The following MIA2 variants were observed in gnomAD, a reference collection of about 807,000 sequenced individuals.
MIA2 encodes MIA SH3 domain ER export factor 2, also known as melanoma inhibitory activity protein 2.
Under a neutral mutation model 167.8 loss-of-function variants are expected in MIA2, and 127 were observed. That is an observed-to-expected ratio of 0.76 (90% confidence interval 0.66 to 0.88). MIA2 has a LOEUF of 0.88. Among genes scored for constraint, MIA2 ranks in the 40% least tolerant of loss-of-function variants. The probability of loss-of-function intolerance (pLI) is 0.00; values close to 1 mark genes in which losing one functional copy is unlikely to be tolerated. For missense variants in MIA2, 1,690 were observed against 1,624.7 expected, an observed-to-expected ratio of 1.04 and a Z score of -0.69; for synonymous variants, 552 against 541.9, an observed-to-expected ratio of 1.02 and a Z score of -0.26.
At chr14:39,299,730 A>C (rs1252558367) in intron 13 of MIA2, 134 bp from the exon 14 acceptor site, 1 of 781,022 alleles carries the variant, frequency 1.3e-6, no homozygotes, top group Non-Finnish European at 1.9e-6. Context: ...GTTATTTTAC[A>C]CTACCCCATT....
intron 14 of MIA2, among the ~76,000 whole-genome samples, chr14:39,301,537 A>G (rs1312229251): frequency 4.6e-5 from 7 of 152,218 alleles, no homozygotes; most frequent in South Asian, 4.1e-4. Flanking sequence ...TGAAAATTGT[A>G]GATCAGTGCA....
intron 25 of MIA2, among the ~76,000 whole-genome samples, chr14:39,335,671 A>C (rs973026982): frequency 6.6e-5 from 10 of 152,140 alleles, no homozygotes. Context: ...GGTATATTGC[A>C]TGATACTGAA....
In MIA2 at chr14:39,330,133, C is replaced by T. The variant is rs562951350; in HGVS notation, c.3655+3111C>T. Among the ~76,000 whole-genome samples the T allele has an allele frequency of 5.9e-5, 9 of 152,256 alleles. No individual in the cohort carries two copies. In the South Asian group the frequency reaches 6.2e-4, roughly 11 times the overall value. The stretch of plus-strand genomic sequence containing the variant: ...TTGGTTGGTAGGCTATTAATTACTA[C>T]GTCAATTTCAGAACTTGTTACTGAT... On this transcript the variant is annotated intron_variant, in intron 25 of 28. Transcript: ENST00000640607.
In MIA2 at chr14:39,280,811, G is replaced by A. The variant is rs534884381; in HGVS notation, c.2130+1274G>A. On this transcript the variant is annotated intron_variant, in intron 9 of 28. Coordinates refer to ENST00000640607, the MANE Select transcript of MIA2 (RefSeq NM_001329214.4). The stretch of plus-strand genomic sequence containing the variant: ...TTTTTCTTGGTTTTGGCTCTCAGCA[G>A]TGTTACTATGATTTGTCTAGGTGTG... 2.6e-5 allele frequency among the ~76,000 whole-genome samples: 4 copies of A among 151,774 alleles called. No homozygotes were observed. In the East Asian group the frequency reaches 7.7e-4, roughly 29 times the overall value.
At chr14:39,267,541 A>C (rs2056105696) in intron 6 of MIA2, 1 of 1,611,982 alleles carries the variant, frequency 6.2e-7, no homozygotes, top group Non-Finnish European at 8.5e-7. Flanking sequence ...AGGCGCGATG[A>C]GTGTTACGTG....
At chr14:39,345,023 C>A (rs1189140351) in intron 25 of MIA2, among the ~76,000 whole-genome samples, 1 of 152,072 alleles carries the variant, frequency 6.6e-6, no homozygotes, top group Non-Finnish European at 1.5e-5. Context: ...CAGTGGTACT[C>A]ATCTGTTGAG....
In MIA2 at chr14:39,299,999, A is replaced by G. The variant is rs1240050410; in HGVS notation, c.2619+13A>G. 6.3e-7 allele frequency: 1 copy of G among 1,583,838 alleles called. No individual in the cohort carries two copies. Among genetic ancestry groups the G allele is most frequent in the Admixed American group, 1.9e-5 (1 of 53,268 alleles). ...AAGTCACATCAAGGTAAATGGCTCT[A>G]CTGGTTTTAGTGATCAAGTTGGCTA... On this transcript the variant is annotated intron_variant, in intron 14 of 28. Transcript: ENST00000640607.
intron 23 of MIA2, among the ~76,000 whole-genome samples, chr14:39,363,422 C>T (rs1250948129): frequency 1.3e-5 from 2 of 152,070 alleles, no homozygotes; most frequent in Admixed American, 6.6e-5. Context: ...CCCAGCTACT[C>T]GGAGGCTGAG....
chr14:39,370,533 G>A, intron 23 of MIA2: 1 of 344,578 alleles, frequency 2.9e-6, no homozygotes, highest in Non-Finnish European at 5.9e-6. Flanking sequence ...CATGGAGACT[G>A]CGCAGTTGTA....
chr14:39,289,641 G>C (rs902058600), intron 9 of MIA2, among the ~76,000 whole-genome samples: 2 of 152,138 alleles, frequency 1.3e-5, no homozygotes, highest in African/African-American at 4.8e-5. Flanking sequence ...GTCTAGAACT[G>C]ATCTTTTAAA....
chr14:39,290,666 C>T (rs1163235387), intron 9 of MIA2, among the ~76,000 whole-genome samples: 1 of 152,134 alleles, frequency 6.6e-6, no homozygotes, highest in African/African-American at 2.4e-5. Context: ...AAAATACGCT[C>T]TTTGAGTAAA....
At chr14:39,362,749 G>T (rs529559128) in intron 23 of MIA2, among the ~76,000 whole-genome samples, 1 of 151,696 alleles carries the variant, frequency 6.6e-6, no homozygotes, top group East Asian at 1.9e-4. Flanking sequence ...TTGCTTTTCT[G>T]TTTCCTTGAG....
rs1405224159 is a variant in MIA2 at position 39,346,135 on chromosome 14, C to T, written c.3778+109C>T. 1.4e-5 allele frequency: 12 copies of T among 835,378 alleles called. 1 individual carries two copies. The highest frequency in any genetic ancestry group is 1.9e-5 in the Non-Finnish European group (10 of 516,010). The allele number at this position is 835,378 out of a possible 1,614,324, so 51.7% of individuals were successfully genotyped here. A position where few individuals can be genotyped will look rare whatever the true frequency, so the allele number is the denominator to read the frequency against. ...TTGCTATCTCTAGTAGTTCCTAAGG[C>T]CAAAATCTCTTTCCTGAAAATGTCC... On this transcript the variant is annotated intron_variant, in intron 26 of 28. Coordinates refer to ENST00000640607, the MANE Select transcript of MIA2 (RefSeq NM_001329214.4).
chr14:39,379,975 A>G (rs903001723), intron 23 of MIA2, among the ~76,000 whole-genome samples: 6 of 152,238 alleles, frequency 3.9e-5, no homozygotes, highest in Non-Finnish European at 8.8e-5. Context: ...TTGCTTTTCA[A>G]TGTGGGGAGT....
chr14:39,282,278 TTTA>T (rs1350748253), intron 9 of MIA2, among the ~76,000 whole-genome samples: 5 of 152,326 alleles, frequency 3.3e-5, no homozygotes, highest in African/African-American at 7.2e-5. Context: ...TAAAATAAGT[TTTA>T]TTGTGTATAT....
intron 3 of MIA2, among the ~76,000 whole-genome samples, chr14:39,246,499 C>G (rs1258300073): frequency 2.6e-5 from 4 of 152,132 alleles, no homozygotes; most frequent in African/African-American, 9.7e-5. Context: ...AGGATGAATG[C>G]TTGAGGCCAG....
At chr14:39,267,586 G>C in intron 6 of MIA2, 1 of 1,586,704 alleles carries the variant, frequency 6.3e-7, no homozygotes, top group Non-Finnish European at 8.6e-7. Context: ...GGGGAAGGAA[G>C]CAGTAGACCG....
rs553397608 is a variant in MIA2, at chr14:39,295,041, G to A, written c.2496+12G>A. The A allele has an allele frequency of 6.2e-5, 95 of 1,537,118 alleles. No individual in the cohort carries two copies. Among genetic ancestry groups the A allele is most frequent in the South Asian group, 2.2e-4 (20 of 89,388 alleles). ...AAAGCCAGAAACAGGTTTGTGCTCC[G>A]TAGGGACTCTTCAACTTGTGAATAT... On this transcript the variant is annotated intron_variant, in intron 13 of 28. Transcript: ENST00000640607.
intron 25 of MIA2, among the ~76,000 whole-genome samples, chr14:39,328,704 G>A (rs1290299120): frequency 2.0e-5 from 3 of 152,006 alleles, no homozygotes; most frequent in African/African-American, 7.2e-5. Flanking sequence ...TTTTCCGAAC[G>A]CAATTTATTA....
Sources: allele counts gnomAD v4.1 joint callset (sites outside exome capture counted in the v4.1 genomes callset), GRCh38; gene constraint gnomAD v4.1.1; transcripts MANE v1.5; gene names NCBI Gene and HGNC (gene_info 2026-07-23, HGNC 2026-07-21).